Variants in PIK3R3 observed in about 807,000 individuals in gnomAD.
The protein encoded by PIK3R3 is phosphoinositide-3-kinase regulatory subunit 3, also known as phosphatidylinositol 3-kinase regulatory subunit gamma.
PIK3R3 carries 64 observed loss-of-function variants against 62.9 expected under a neutral mutation model. The observed-to-expected ratio is 1.02, with a 90% CI of 0.83 to 1.25. The LOEUF (loss-of-function observed/expected upper bound fraction) is 1.25, where lower values mean the gene tolerates loss of function less well. Ranked by LOEUF, PIK3R3 falls within the 50% of genes most tolerant of loss-of-function variation. PIK3R3 has a pLI of 0.00. For synonymous variants in PIK3R3, 165 were observed against 189.0 expected, an observed-to-expected ratio of 0.87 and a Z score of 1.04; for missense variants, 614 against 561.6, an observed-to-expected ratio of 1.09 and a Z score of -0.94.
At chr1:46,148,819 C>G in the PIK3R3 span, among the ~76,000 whole-genome samples, 1 of 151,482 alleles carries the variant, frequency 6.6e-6, no homozygotes, top group African/African-American at 2.4e-5. Context: ...AAAAATGCCT[C>G]CAGATAAATT....
intron 1 of PIK3R3, among the ~76,000 whole-genome samples, chr1:46,106,889 C>A (rs1433865769): frequency 6.6e-6 from 1 of 152,090 alleles, no homozygotes. Flanking sequence ...AATTCTCCTG[C>A]CTCAGCCTCC....
At chr1:46,165,751 C>CTTTTTTTTTTTTTT in the PIK3R3 span, among the ~76,000 whole-genome samples, 30 of 39,554 alleles carry the variant, frequency 7.6e-4, 12 homozygotes, top group Non-Finnish European at 1.1e-3. Context: ...CTGCTTTGTC[C>CTTTTTTTTTTTTTT]TTTTTTTTTT....
chr1:46,149,350 A>G, the PIK3R3 span, among the ~76,000 whole-genome samples: 1 of 138,842 alleles, frequency 7.2e-6, no homozygotes, highest in Non-Finnish European at 1.5e-5. Context: ...TGAACCCAGG[A>G]GGTAGAGGTT....
the PIK3R3 span, among the ~76,000 whole-genome samples, chr1:46,140,246 AGCCTCCCATGT>A: frequency 6.6e-6 from 1 of 152,106 alleles, no homozygotes; most frequent in African/African-American, 2.4e-5. Context: ...CTCCTGCCGC[AGCCTCCCATGT>A]GCTAGGATTA....
chr1:46,168,745 C>T, the PIK3R3 span, among the ~76,000 whole-genome samples: 1 of 152,222 alleles, frequency 6.6e-6, no homozygotes, highest in African/African-American at 2.4e-5. Flanking sequence ...GAAAGTCCCC[C>T]TGCCCCTGGC....
chr1:46,097,568 C>A (rs1652251733), intron 1 of PIK3R3, among the ~76,000 whole-genome samples: 1 of 151,936 alleles, frequency 6.6e-6, no homozygotes. Flanking sequence ...CTGCTCTCAC[C>A]ACGTCTATTC....
chr1:46,087,477 A>G (rs1651186191), intron 1 of PIK3R3, among the ~76,000 whole-genome samples: 1 of 152,092 alleles, frequency 6.6e-6, no homozygotes, highest in Non-Finnish European at 1.5e-5. Flanking sequence ...ATGAGCTGTC[A>G]AGCATATACC....
intron 1 of PIK3R3, among the ~76,000 whole-genome samples, chr1:46,088,068 C>A (rs1293163148): frequency 6.6e-6 from 1 of 152,066 alleles, no homozygotes; most frequent in African/African-American, 2.4e-5. Flanking sequence ...GTACTTAATG[C>A]CACAGAATTT....
chr1:46,109,694 G>C (rs1653558547), intron 1 of PIK3R3, among the ~76,000 whole-genome samples: 1 of 152,038 alleles, frequency 6.6e-6, no homozygotes, highest in Admixed American at 6.5e-5. Flanking sequence ...ATATTGGCCA[G>C]GCTGGTCTCG....
At chr1:46,045,506 TTAGA>T (rs1647085008) in intron 9 of PIK3R3, among the ~76,000 whole-genome samples, 1 of 152,190 alleles carries the variant, frequency 6.6e-6, no homozygotes, top group South Asian at 2.1e-4. Context: ...ATTTAAAATT[TTAGA>T]TAGAGTTTTC....
chr1:46,127,044 A>C (rs1353536129), intron 1 of PIK3R3, among the ~76,000 whole-genome samples: 2 of 151,816 alleles, frequency 1.3e-5, no homozygotes, highest in Non-Finnish European at 2.9e-5. Context: ...TGCCCTAAAG[A>C]TAATTTTAGG....
chr1:46,062,929 G>A (rs1000050297), intron 5 of PIK3R3, among the ~76,000 whole-genome samples: 1 of 152,124 alleles, frequency 6.6e-6, no homozygotes, highest in Admixed American at 6.5e-5. Context: ...TGAGACTTTA[G>A]GGGGGCACCA....
the PIK3R3 span, among the ~76,000 whole-genome samples, chr1:46,143,905 C>A: frequency 6.6e-6 from 1 of 152,168 alleles, no homozygotes; most frequent in African/African-American, 2.4e-5. Context: ...TTCTATCTCA[C>A]TGTTAACCAA....
intron 7 of PIK3R3, 24 bp from the exon 8 acceptor site, chr1:46,046,649 T>C: frequency 1.9e-6 from 3 of 1,550,730 alleles, no homozygotes; most frequent in Non-Finnish European, 2.7e-6. Context: ...GACACCAGTG[T>C]CAGTATCCAT....
At chr1:46,138,048 A>G in the PIK3R3 span, among the ~76,000 whole-genome samples, 3 of 152,210 alleles carry the variant, frequency 2.0e-5, no homozygotes, top group Non-Finnish European at 4.4e-5. Context: ...CTTTTATTTT[A>G]TCAGCTGTGA....
chr1:46,153,585 T>A, the PIK3R3 span, among the ~76,000 whole-genome samples: 5 of 152,240 alleles, frequency 3.3e-5, no homozygotes, highest in African/African-American at 7.2e-5. Flanking sequence ...GTCCTGATAC[T>A]ACCTGACTTC....
chr1:46,106,687 C>A (rs1457333099), intron 1 of PIK3R3, among the ~76,000 whole-genome samples: 1 of 152,190 alleles, frequency 6.6e-6, no homozygotes, highest in African/African-American at 2.4e-5. Context: ...CATATTTCTT[C>A]CATTCCTTCC....
At chr1:46,083,594 CA>C (rs1333872454) in intron 1 of PIK3R3, among the ~76,000 whole-genome samples, 1 of 152,034 alleles carries the variant, frequency 6.6e-6, no homozygotes, top group Non-Finnish European at 1.5e-5. Context: ...CAATAAAAGA[CA>C]AATGACCCAA....
chr1:46,129,401 T>TTTTTTTTATTTA (rs375178162), intron 1 of PIK3R3, among the ~76,000 whole-genome samples: 2 of 131,616 alleles, frequency 1.5e-5, no homozygotes, highest in Non-Finnish European at 3.4e-5. Flanking sequence ...AATTGGGGGA[T>TTTTTTTTATTTA]TTTATTTATT....
Sources: allele counts gnomAD v4.1 joint callset (sites outside exome capture counted in the v4.1 genomes callset), GRCh38; gene constraint gnomAD v4.1.1; transcripts MANE v1.5; gene names NCBI Gene and HGNC (gene_info 2026-07-23, HGNC 2026-07-21).